Variants in RUNX2 observed in about 807,000 individuals in gnomAD.
The protein encoded by RUNX2 is RUNX family transcription factor 2.
In RUNX2, 10 loss-of-function variants were observed where a neutral mutation model predicts 51.7. The observed-to-expected ratio is 0.19, with a 90% confidence interval of 0.12 to 0.33. The LOEUF is 0.33. Among genes scored for constraint, RUNX2 ranks in the 10% least tolerant of loss-of-function variants. The pLI, the probability that RUNX2 is intolerant of heterozygous loss-of-function variation, is 1.00. For missense variants in RUNX2, 562 were observed against 691.3 expected (o/e 0.81, Z 2.10); for synonymous variants, 276 against 273.6 (o/e 1.01, Z -0.09).
chr6:45,353,397 C>A (rs1792481527), intron 2 of RUNX2, among the ~76,000 whole-genome samples: 2 of 152,070 alleles, frequency 1.3e-5, no homozygotes, highest in Non-Finnish European at 2.9e-5. Flanking sequence ...ACTATTAAAA[C>A]ATATTAAGAA....
intron 2 of RUNX2, among the ~76,000 whole-genome samples, chr6:45,414,588 G>A (rs376947857): frequency 6.6e-6 from 1 of 151,874 alleles, no homozygotes; most frequent in African/African-American, 2.4e-5. Context: ...TTAATACAGC[G>A]TTTTCCCAAT....
chr6:45,541,256 T>G lies in RUNX2; in HGVS notation c.1022-3961T>G, dbSNP rs1802219979. ...TATTCTTTACCATCCAAAGCTGACT[T>G]TATAGTTGGAGAAAACAGACTAAGA... On this transcript the variant is annotated intron_variant, in intron 7 of 8. Coordinates refer to ENST00000647337, the MANE Select transcript of RUNX2 (RefSeq NM_001024630.4). Among the ~76,000 whole-genome samples the G allele has an allele frequency of 2.6e-5, 4 of 152,178 alleles. No homozygotes were observed. In the South Asian group the frequency reaches 8.3e-4, roughly 32 times the overall value.
intron 3 of RUNX2, among the ~76,000 whole-genome samples, chr6:45,424,148 T>C (rs914466477): frequency 6.6e-6 from 1 of 152,188 alleles, no homozygotes; most frequent in African/African-American, 2.4e-5. Flanking sequence ...CCCGGCCCGT[T>C]AGTTTGAGGG....
chr6:45,433,203 T>A (rs1406846), intron 4 of RUNX2, among the ~76,000 whole-genome samples: 75,973 of 151,972 alleles, frequency 0.5, 19,059 homozygotes, highest in South Asian at 0.62. Context: ...TGAAATAAAA[T>A]GAGGCTCACA....
chr6:45,519,828 G>GTA (rs1463341189), intron 7 of RUNX2, among the ~76,000 whole-genome samples: 1 of 145,688 alleles, frequency 6.9e-6, no homozygotes, highest in Non-Finnish European at 1.5e-5. Flanking sequence ...GTGTGTGTGT[G>GTA]TGTGTGTGTA....
chr6:45,392,405 G>A (rs1797490782), intron 2 of RUNX2, among the ~76,000 whole-genome samples: 1 of 152,102 alleles, frequency 6.6e-6, no homozygotes, highest in Non-Finnish European at 1.5e-5. Context: ...AGCTACTTGG[G>A]AAGCTGAGGC....
intron 2 of RUNX2, among the ~76,000 whole-genome samples, chr6:45,381,204 A>G (rs1797234353): frequency 6.6e-6 from 1 of 152,194 alleles, no homozygotes; most frequent in Non-Finnish European, 1.5e-5. Flanking sequence ...TTCTGACCAA[A>G]AAGATTACTC....
chr6:45,517,142 A>G (rs1484091188), intron 7 of RUNX2, among the ~76,000 whole-genome samples: 2 of 152,192 alleles, frequency 1.3e-5, no homozygotes, highest in East Asian at 1.9e-4. Context: ...CATCTTATTC[A>G]TAGATGTTGG....
intron 6 of RUNX2, among the ~76,000 whole-genome samples, chr6:45,503,217 T>C (rs1800851403): frequency 6.6e-6 from 1 of 152,182 alleles, no homozygotes; most frequent in African/African-American, 2.4e-5. Flanking sequence ...CTGTCTCTCC[T>C]ACCCAACTGT....
At chr6:45,475,216 T>C (rs988692751) in intron 5 of RUNX2, among the ~76,000 whole-genome samples, 2 of 151,376 alleles carry the variant, frequency 1.3e-5, no homozygotes, top group African/African-American at 4.9e-5. Flanking sequence ...TGATAGAACA[T>C]GAGAAAGGGC....
chr6:45,428,837 G>GC (rs1268647759), intron 3 of RUNX2, among the ~76,000 whole-genome samples: 1 of 94,524 alleles, frequency 1.1e-5, no homozygotes, highest in Non-Finnish European at 2.0e-5. Flanking sequence ...GGGGCAGATT[G>GC]CTTTTTTTTT....
At chr6:45,387,264 C>G (rs940390740) in intron 2 of RUNX2, among the ~76,000 whole-genome samples, 1 of 152,178 alleles carries the variant, frequency 6.6e-6, no homozygotes, top group African/African-American at 2.4e-5. Context: ...TACAAAATCT[C>G]AGTGGCTATG....
At chr6:45,443,921 G>T (rs1798914048) in intron 5 of RUNX2, among the ~76,000 whole-genome samples, 1 of 151,978 alleles carries the variant, frequency 6.6e-6, no homozygotes, top group African/African-American at 2.4e-5. Flanking sequence ...CTTGATCTAG[G>T]CTCACTGCAA....
intron 2 of RUNX2, among the ~76,000 whole-genome samples, chr6:45,346,988 CTA>C (rs2150164132): frequency 6.6e-6 from 1 of 152,142 alleles, no homozygotes; most frequent in Non-Finnish European, 1.5e-5. Flanking sequence ...TAAAGAAATA[CTA>C]TATAAGAAAA....
chr6:45,423,765 G>T (rs866151074), intron 3 of RUNX2, among the ~76,000 whole-genome samples: 2 of 152,192 alleles, frequency 1.3e-5, no homozygotes, highest in Non-Finnish European at 2.9e-5. Context: ...AGGCGGGGCC[G>T]CTGGGGCGTC....
chr6:45,483,725 A>G (rs1800180254), intron 5 of RUNX2, among the ~76,000 whole-genome samples: 1 of 152,224 alleles, frequency 6.6e-6, no homozygotes, highest in South Asian at 2.1e-4. Context: ...GACAGGAAAC[A>G]CCAGAACAAT....
chr6:45,429,052 A>T (rs1260907439), intron 3 of RUNX2, among the ~76,000 whole-genome samples: 1 of 152,210 alleles, frequency 6.6e-6, no homozygotes, highest in East Asian at 1.9e-4. Context: ...CTCATCTTAC[A>T]AAAAGCACAT....
Position 45,334,940 on chromosome 6 carries a change from C to G in RUNX2, c.58+6156C>G, listed in dbSNP as rs191858272. On this transcript the variant is annotated intron_variant, in intron 2 of 8. Coordinates refer to ENST00000647337, the MANE Select transcript of RUNX2 (RefSeq NM_001024630.4). ...TTATAAAATCCAAAGATGTTATTTT[C>G]CAGTTATAAACTTAAGTAACAATAA... Among the ~76,000 whole-genome samples, 24 of 151,210 alleles carry G rather than the reference C, an allele frequency of 1.6e-4. No homozygotes were observed. In the East Asian group the frequency reaches 3.7e-3, roughly 23 times the overall value.
chr6:45,470,594 GA>G (rs954817348), intron 5 of RUNX2, among the ~76,000 whole-genome samples: 1 of 152,222 alleles, frequency 6.6e-6, no homozygotes, highest in African/African-American at 2.4e-5. Context: ...CTGATACTCA[GA>G]AAAAGCAACC....
Sources: gnomAD v4.1 joint callset for allele counts (sites outside exome capture counted in the v4.1 genomes callset) on GRCh38, gnomAD v4.1.1 for gene constraint, MANE v1.5 for transcripts, NCBI Gene and HGNC (gene_info 2026-07-23, HGNC 2026-07-21) for gene names.